UGT1A8: variants seen among roughly 807,000 people sequenced by gnomAD.
UGT1A8 encodes the protein UDP-glucuronosyltransferase 1A8.
Under a neutral mutation model 45.3 loss-of-function variants are expected in UGT1A8, and 39 were observed. That is an observed-to-expected ratio of 0.86 (90% CI 0.67 to 1.12). The LOEUF is 1.12. UGT1A8 is among the 50% of genes most tolerant of loss of function. The pLI is 0.00. For missense variants in UGT1A8, 719 were observed against 664.9 expected (o/e 1.08, Z -0.90); for synonymous variants, 275 against 249.2 (o/e 1.10, Z -0.97).
chr2:233,736,695 G>A (rs1463496904), intron 1 of UGT1A8, among the ~76,000 whole-genome samples: 1 of 152,174 alleles, frequency 6.6e-6, no homozygotes, highest in Admixed American at 6.5e-5. Context: ...CTACAGATGG[G>A]GTTTTGGTGT....
chr2:233,772,294 T>C lies in UGT1A8; in HGVS notation c.1328T>C (p.Leu443Pro). 6.2e-7 allele frequency: 1 copy of C among 1,614,228 alleles called. No individual in the cohort carries two copies. Among genetic ancestry groups the C allele is most frequent in the Non-Finnish European group, 8.5e-7 (1 of 1,180,042 alleles). Reference protein sequence around the residue: ...YKENIMRLSSLHKDRPVEPLD... With the variant: ...YKENIMRLSSPHKDRPVEPLD... Reference sequence around the variant, plus strand: ...GAGAACATCATGCGCCTCTCCAGCCTTCACAAGGACCGCCCGGTGGAGCCG... The same window carrying C: ...GAGAACATCATGCGCCTCTCCAGCCCTCACAAGGACCGCCCGGTGGAGCCG... The change falls in exon 5 of 5, where the codon CTT becomes CCT. Residue 443 changes from leucine to proline, a missense_variant. Coordinates refer to ENST00000373450, the MANE Select transcript of UGT1A8 (RefSeq NM_019076.5).
chr2:233,758,250 G>A (rs564739721), intron 1 of UGT1A8, among the ~76,000 whole-genome samples: 109 of 152,302 alleles, frequency 7.2e-4, no homozygotes, highest in African/African-American at 2.6e-3. Context: ...CCACTATTCA[G>A]ATTAGTAAGT....
intron 1 of UGT1A8, among the ~76,000 whole-genome samples, chr2:233,699,760 A>G (rs921054615): frequency 7.9e-5 from 12 of 152,218 alleles, no homozygotes; most frequent in African/African-American, 2.4e-4. Context: ...CCAGTTCCTC[A>G]GGACTAGTTC....
At chr2:233,659,407 G>A (rs2073922138) in intron 1 of UGT1A8, among the ~76,000 whole-genome samples, 1 of 152,104 alleles carries the variant, frequency 6.6e-6, no homozygotes, top group South Asian at 2.1e-4. Flanking sequence ...CTGTATTATT[G>A]TAATAAAGTC....
At chr2:233,771,960 T>A (rs1700422086) in intron 4 of UGT1A8, among the ~76,000 whole-genome samples, 1 of 152,076 alleles carries the variant, frequency 6.6e-6, no homozygotes, top group Non-Finnish European at 1.5e-5. Flanking sequence ...ACAAAAAATT[T>A]AAAAATTGGC....
At chr2:233,645,969 G>A (rs1367729005) in intron 1 of UGT1A8, among the ~76,000 whole-genome samples, 1 of 152,194 alleles carries the variant, frequency 6.6e-6, no homozygotes, top group African/African-American at 2.4e-5. Flanking sequence ...CTCTGTGAGG[G>A]TCCTGCCCCT....
chr2:233,702,232 C>T (rs963611809), intron 1 of UGT1A8, among the ~76,000 whole-genome samples: 1 of 152,150 alleles, frequency 6.6e-6, no homozygotes, highest in African/African-American at 2.4e-5. Context: ...ATGAATTTGC[C>T]TATTTCTATG....
intron 1 of UGT1A8, among the ~76,000 whole-genome samples, chr2:233,644,217 G>A (rs572490460): frequency 6.6e-6 from 1 of 152,238 alleles, no homozygotes; most frequent in Non-Finnish European, 1.5e-5. Context: ...AGGTCTGTGG[G>A]CATTCAAGTT....
chr2:233,690,865 C>T (rs2075019127), intron 1 of UGT1A8: 1 of 1,062,876 alleles, frequency 9.4e-7, no homozygotes. Flanking sequence ...TCTTAATTTG[C>T]AAGAAGGTGT....
intron 1 of UGT1A8, among the ~76,000 whole-genome samples, chr2:233,704,802 A>G (rs2075807497): frequency 6.6e-6 from 1 of 152,142 alleles, no homozygotes; most frequent in Non-Finnish European, 1.5e-5. Context: ...ATAATTATAT[A>G]TATGTATATT....
intron 1 of UGT1A8, among the ~76,000 whole-genome samples, chr2:233,631,759 A>C (rs2073190874): frequency 6.6e-6 from 1 of 152,038 alleles, no homozygotes; most frequent in Admixed American, 6.6e-5. Context: ...ATAGATTGCA[A>C]AATTTTTCTC....
rs3064744 is a variant in UGT1A8, at chr2:233,760,233, C to CATAT, written c.856-6789_856-6786dup. ...ACTTGGTGTATCGATTGGTTTTTGCCATATATATATATATAAGTAGGAGAG... is the reference window on the plus strand; with the variant it reads ...ACTTGGTGTATCGATTGGTTTTTGCCATATATATATATATATATAAGTAGGAGAG... On this transcript the variant is annotated intron_variant, in intron 1 of 4. Coordinates refer to ENST00000373450, the MANE Select transcript of UGT1A8 (RefSeq NM_019076.5). 3.8e-3 allele frequency: 5,602 copies of CATAT among 1,482,566 alleles called. 51 individuals are homozygous for CATAT. The African/African-American group carries it at 0.05, about 13-fold the overall frequency. The allele number at this position is 1,482,566 out of a possible 1,614,324, so 91.8% of individuals were successfully genotyped here.
At chr2:233,765,730 T>TAATAAA (rs1427774434) in intron 1 of UGT1A8, among the ~76,000 whole-genome samples, 195 of 150,280 alleles carry the variant, frequency 1.3e-3, no homozygotes, top group Admixed American at 3.5e-3. Context: ...ATAATAATAA[T>TAATAAA]AAATAAACCC....
At chr2:233,646,741 C>T (rs1331924229) in intron 1 of UGT1A8, among the ~76,000 whole-genome samples, 1 of 152,212 alleles carries the variant, frequency 6.6e-6, no homozygotes, top group East Asian at 1.9e-4. Flanking sequence ...TTGGGCAAAG[C>T]TATTCAACAA....
Position 233,629,446 on chromosome 2 carries a change from C to T in UGT1A8, c.855+10884C>T, listed in dbSNP as rs2073148857. On this transcript the variant is annotated intron_variant, in intron 1 of 4. Transcript: ENST00000373450. ...ATTTTCTAATGTCAAACCAGCCTTGCATTCCTAGGATAAACCCCACTTGGT... is the reference window on the plus strand; with the variant it reads ...ATTTTCTAATGTCAAACCAGCCTTGTATTCCTAGGATAAACCCCACTTGGT... Among the ~76,000 whole-genome samples, 4 of 152,246 alleles carry T rather than the reference C, an allele frequency of 2.6e-5. No homozygotes were observed. In the South Asian group the frequency reaches 8.3e-4, roughly 32 times the overall value.
chr2:233,618,197 C>G lies in UGT1A8; in HGVS notation c.490C>G (p.Pro164Ala), dbSNP rs745652012. The G allele has an allele frequency of 6.2e-7, 1 of 1,613,992 alleles. No homozygotes were observed. Among genetic ancestry groups the G allele is most frequent in the Non-Finnish European group, 8.5e-7 (1 of 1,179,986 alleles). Residue 164 changes from proline to alanine, a missense_variant, in exon 1 of 5, where the codon CCC becomes GCC. Pro to Ala is a conservative substitution (Grantham distance 27, BLOSUM62 -1). Transcript: ENST00000373450. ...GLIVAKYFSL[P>A]SVVFARGIAC... ...AATTGTTGCCAAATATTTCTCCCTC[C>G]CCTCTGTGGTCTTCGCCAGGGGAAT...
intron 1 of UGT1A8, among the ~76,000 whole-genome samples, chr2:233,651,334 A>AT (rs1449528664): frequency 6.6e-6 from 1 of 152,200 alleles, no homozygotes; most frequent in Admixed American, 6.5e-5. Flanking sequence ...GCTATGTGTG[A>AT]TTTTATATCA....
At chr2:233,646,860 C>T (rs763588020) in intron 1 of UGT1A8, among the ~76,000 whole-genome samples, 2 of 152,320 alleles carry the variant, frequency 1.3e-5, no homozygotes, top group Admixed American at 6.5e-5. Flanking sequence ...TCCACGTTTT[C>T]AGGTATCTTT....
intron 1 of UGT1A8, chr2:233,722,085 C>T: frequency 4.6e-6 from 1 of 216,028 alleles, no homozygotes; most frequent in Non-Finnish European, 9.4e-6. Context: ...TTTCACAGAT[C>T]ACCTTAGGCC....
Sources: allele counts gnomAD v4.1 joint callset (sites outside exome capture counted in the v4.1 genomes callset), GRCh38; gene constraint gnomAD v4.1.1; transcripts MANE v1.5; gene names NCBI Gene and HGNC (gene_info 2026-07-23, HGNC 2026-07-21).